DTHD1: variants seen among roughly 807,000 people sequenced by gnomAD.
DTHD1 encodes the protein death domain-containing protein 1.
A neutral mutation model predicts 74.8 loss-of-function variants in DTHD1; 59 were observed. The ratio of observed to expected loss-of-function variants is 0.79; its 90% CI spans 0.64 to 0.98. The LOEUF is 0.98. Among genes scored for constraint, DTHD1 ranks in the 50% least tolerant of loss-of-function variants. The probability of loss-of-function intolerance (pLI) is 0.00; values close to 1 mark genes in which losing one functional copy is unlikely to be tolerated. For missense variants in DTHD1, 1,051 were observed against 1,065.4 expected (o/e 0.99, Z 0.19); for synonymous variants, 365 against 371.1 (o/e 0.98, Z 0.19).
chr4:36,296,628 A>G (rs897001024), intron 5 of DTHD1, among the ~76,000 whole-genome samples: 5 of 152,168 alleles, frequency 3.3e-5, no homozygotes, highest in African/African-American at 9.7e-5. Context: ...TCCATATTTC[A>G]TAATCTTCCT....
rs1408659826 is a variant in DTHD1, at chr4:36,346,040, C to T, written c.*2216C>T. 3.9e-5 allele frequency among the ~76,000 whole-genome samples: 6 copies of T among 152,002 alleles called. No homozygotes were observed. Among genetic ancestry groups the T allele is most frequent in the Admixed American group, 1.3e-4 (2 of 15,242 alleles). Reference sequence around the variant, plus strand: ...CACATATGCTGTCACAAACACACCCCTCCTGCACACCCAGCTCCCAACTCT... The same window carrying T: ...CACATATGCTGTCACAAACACACCCTTCCTGCACACCCAGCTCCCAACTCT... On this transcript the variant is annotated 3_prime_UTR_variant, in exon 10 of 10. Transcript: ENST00000639862.
chr4:36,285,657 ATG>A (rs1755660130), intron 2 of DTHD1, among the ~76,000 whole-genome samples: 1 of 133,522 alleles, frequency 7.5e-6, no homozygotes, highest in Non-Finnish European at 1.7e-5. Flanking sequence ...AAAAAAAAAT[ATG>A]TGTTTTGGGC....
intron 8 of DTHD1, among the ~76,000 whole-genome samples, chr4:36,327,981 GA>G (rs1216289319): frequency 6.6e-6 from 1 of 151,840 alleles, no homozygotes; most frequent in African/African-American, 2.4e-5. Context: ...CCCTCCCCTT[GA>G]AAAAACTATA....
chr4:36,296,055 T>C (rs1756377615), intron 5 of DTHD1, among the ~76,000 whole-genome samples: 1 of 152,128 alleles, frequency 6.6e-6, no homozygotes. Flanking sequence ...GAAATGTAGG[T>C]TTAAATAAAA....
intron 9 of DTHD1, among the ~76,000 whole-genome samples, chr4:36,339,732 T>C (rs1396473240): frequency 6.6e-6 from 1 of 152,230 alleles, no homozygotes; most frequent in Non-Finnish European, 1.5e-5. Flanking sequence ...TGATAACTTA[T>C]TGGTCTTCAA....
intron 3 of DTHD1, among the ~76,000 whole-genome samples, chr4:36,291,723 G>A (rs1756092303): frequency 6.6e-6 from 1 of 152,212 alleles, no homozygotes; most frequent in African/African-American, 2.4e-5. Flanking sequence ...AGCTACTGGG[G>A]AGGCTGAGGC....
intron 8 of DTHD1, among the ~76,000 whole-genome samples, chr4:36,329,889 G>A (rs1448355142): frequency 2.6e-5 from 4 of 152,102 alleles, no homozygotes; most frequent in African/African-American, 9.7e-5. Flanking sequence ...ATATTGTTAT[G>A]TTTTAATTGT....
At position 36,290,625 on chromosome 4, in the gene DTHD1, G is replaced by C. The variant is rs1756020473; in HGVS notation, c.1140G>C (p.Met380Ile). ...ARYRGNYRDI[M>I]VKVCDINLQS... The stretch of plus-strand genomic sequence containing the variant: ...ACAGAGGAAATTACAGAGATATCAT[G>C]GTGAAAGTGTGTGACATAAACCTTC... Residue 380 changes from methionine to isoleucine, a missense_variant, in exon 3 of 10, where the codon ATG becomes ATC. Physicochemically the swap from Met to Ile is conservative, Grantham distance 10. Transcript: ENST00000639862. 1.9e-6 allele frequency: 3 copies of C among 1,549,664 alleles called. No individual in the cohort carries two copies. Among genetic ancestry groups the C allele is most frequent in the East Asian group, 4.9e-5 (2 of 40,906 alleles).
At position 36,306,242 on chromosome 4, in the gene DTHD1, G is replaced by C; in HGVS notation, c.1695G>C (p.Leu565Phe). 2 of 1,551,870 alleles carry C rather than the reference G, an allele frequency of 1.3e-6. 1 individual carries two copies. Among genetic ancestry groups the C allele is most frequent in the Middle Eastern group, 3.3e-4 (2 of 5,994 alleles). ...RKPRKNASEC[L>F]KLLGFRSQDS... is the part of the protein sequence containing the mutation. ...CTAGGAAAAATGCCAGTGAATGTTT[G>C]AAATTACTGGGATTCAGAAGCCAAG... Residue 565 changes from leucine (L) to phenylalanine (F), a missense_variant, in exon 6 of 10, where the codon TTG (leucine) becomes TTC (phenylalanine). Leu to Phe is a conservative substitution (Grantham distance 22). Coordinates refer to ENST00000639862, the MANE Select transcript of DTHD1 (RefSeq NM_001170700.3).
In DTHD1 at chr4:36,347,050, C is replaced by T. The variant is rs567391645; in HGVS notation, c.*3226C>T. 1.3e-5 allele frequency among the ~76,000 whole-genome samples: 2 copies of T among 152,222 alleles called. No individual in the cohort carries two copies. Among genetic ancestry groups the T allele is most frequent in the South Asian group, 2.1e-4 (1 of 4,822 alleles). The stretch of plus-strand genomic sequence containing the variant: ...CCCTGATTGATACCTCTCTGCACAC[C>T]TTTCTTATGCTCCTAGCAACGTATA... On this transcript the variant is annotated 3_prime_UTR_variant, in exon 10 of 10. Transcript: ENST00000639862.
chr4:36,347,038 C>T lies in DTHD1; in HGVS notation c.*3214C>T, dbSNP rs1282293972. Among the ~76,000 whole-genome samples the T allele has an allele frequency of 6.6e-6, 1 of 152,054 alleles. No individual in the cohort carries two copies. The highest frequency in any genetic ancestry group is 1.5e-5 in the Non-Finnish European group (1 of 68,012). ...TTCTCATTGAGACCCTGATTGATAC[C>T]TCTCTGCACACCTTTCTTATGCTCC... On this transcript the variant is annotated 3_prime_UTR_variant, in exon 10 of 10. Transcript: ENST00000639862.
chr4:36,339,186 T>C lies in DTHD1; in HGVS notation c.2398+17T>C. The C allele has an allele frequency of 6.5e-7, 1 of 1,527,868 alleles. No individual in the cohort carries two copies. The highest frequency in any genetic ancestry group is 1.4e-5 in the African/African-American group (1 of 72,688). 94.6% of individuals were successfully genotyped at this position (1,527,868 alleles called of 1,614,324 possible). On this transcript the variant is annotated intron_variant, in intron 9 of 9. Transcript: ENST00000639862. ...ATCCTGTAGGTGAGGAATATTTGCTTTGTCATCATTATAGTGCTTCCCCAC... is the reference window on the plus strand; with the variant it reads ...ATCCTGTAGGTGAGGAATATTTGCTCTGTCATCATTATAGTGCTTCCCCAC...
intron 7 of DTHD1, among the ~76,000 whole-genome samples, chr4:36,313,867 A>T (rs76868364): frequency 6.6e-6 from 1 of 152,280 alleles, no homozygotes; most frequent in South Asian, 2.1e-4. Context: ...AAAGTAGTAA[A>T]AGTTTTCTTG....
Position 36,293,549 on chromosome 4 carries a change from T to G in DTHD1, c.1242T>G (p.Val414=), listed in dbSNP as rs1560789299. The G allele has an allele frequency of 6.5e-6, 10 of 1,545,346 alleles. No individual in the cohort carries two copies. The highest frequency in any genetic ancestry group is 8.7e-6 in the Non-Finnish European group (10 of 1,143,106). ...GYKGTCASVK[V]YKLGIFSVVS... Reference sequence around the variant, plus strand: ...AGGGGACCTGTGCTTCAGTAAAAGTTTACAAATTGGGTATCTTTTCTGTTG... The same window carrying G: ...AGGGGACCTGTGCTTCAGTAAAAGTGTACAAATTGGGTATCTTTTCTGTTG... Residue 414 remains valine (V), a synonymous_variant, in exon 4 of 10, where the codon GTT becomes GTG. Transcript: ENST00000639862.
intron 8 of DTHD1, among the ~76,000 whole-genome samples, chr4:36,317,532 T>A (rs527884796): frequency 6.6e-5 from 10 of 152,200 alleles, no homozygotes; most frequent in African/African-American, 2.4e-4. Context: ...TTTGGTTATA[T>A]GAGGTTATAT....
In DTHD1 at chr4:36,281,635, G is replaced by T. The variant is rs1011591684; in HGVS notation, c.-124G>T. On this transcript the variant is annotated 5_prime_UTR_variant, in exon 1 of 10. Coordinates refer to ENST00000639862, the MANE Select transcript of DTHD1 (RefSeq NM_001170700.3). The stretch of plus-strand genomic sequence containing the variant: ...TGAATAACCACTATGTTGTGAGAAA[G>T]TGCTGGGCTAGCTGACTCGGATCAT... 2 of 1,227,510 alleles carry T rather than the reference G, an allele frequency of 1.6e-6. No individual in the cohort carries two copies. The highest frequency in any genetic ancestry group is 2.0e-6 in the Non-Finnish European group (2 of 983,954). The allele number at this position is 1,227,510 out of a possible 1,614,324, so 76.0% of individuals were successfully genotyped here. A position where few individuals can be genotyped will look rare whatever the true frequency, so the allele number is the denominator to read the frequency against.
chr4:36,283,270 G>A (rs2109434696), intron 1 of DTHD1, among the ~76,000 whole-genome samples: 1 of 152,278 alleles, frequency 6.6e-6, no homozygotes, highest in South Asian at 2.1e-4. Flanking sequence ...TATAAGATTT[G>A]ATCATGCTAA....
intron 8 of DTHD1, among the ~76,000 whole-genome samples, chr4:36,316,912 T>C (rs1757771579): frequency 6.6e-6 from 1 of 152,196 alleles, no homozygotes; most frequent in Non-Finnish European, 1.5e-5. Flanking sequence ...GTTTCATGAG[T>C]TATGTTTGCC....
chr4:36,342,918 CAAAAAA>C (rs55956868), intron 9 of DTHD1, among the ~76,000 whole-genome samples: 5 of 96,992 alleles, frequency 5.2e-5, no homozygotes, highest in African/African-American at 1.2e-4. Flanking sequence ...ACTAAAAATA[CAAAAAA>C]AAAAAAAAAA....
Sources: gnomAD v4.1 joint callset for allele counts (sites outside exome capture counted in the v4.1 genomes callset) on GRCh38, gnomAD v4.1.1 for gene constraint, MANE v1.5 for transcripts, NCBI Gene and HGNC (gene_info 2026-07-23, HGNC 2026-07-21) for gene names.